ILDR1: variants seen among roughly 807,000 people sequenced by gnomAD.
ILDR1 encodes immunoglobulin-like domain-containing receptor 1.
In ILDR1, 56 loss-of-function variants were observed where a neutral mutation model predicts 62.4. That is an observed-to-expected ratio of 0.90 (90% CI 0.72 to 1.12). The LOEUF is 1.12. Ranked by LOEUF, ILDR1 falls within the 50% of genes most tolerant of loss-of-function variation. The pLI is 0.00. For missense variants in ILDR1, 736 were observed against 710.6 expected, an observed-to-expected ratio of 1.04 and a Z score of -0.41; for synonymous variants, 284 against 277.8, an observed-to-expected ratio of 1.02 and a Z score of -0.22.
At chr3:122,030,965 T>C in the ILDR1 span, among the ~76,000 whole-genome samples, 1 of 152,308 alleles carries the variant, frequency 6.6e-6, no homozygotes, top group South Asian at 2.1e-4. Flanking sequence ...AGCCCCTAAA[T>C]GGAACACTTT....
intron 7 of ILDR1, among the ~76,000 whole-genome samples, chr3:121,990,893 T>C (rs900492758): frequency 2.6e-5 from 4 of 152,116 alleles, no homozygotes; most frequent in Non-Finnish European, 4.4e-5. Flanking sequence ...CCCATAGTTG[T>C]GAGGATTAAA....
intron 3 of ILDR1, among the ~76,000 whole-genome samples, chr3:122,004,179 T>A (rs887335531): frequency 6.6e-6 from 1 of 152,232 alleles, no homozygotes; most frequent in South Asian, 2.1e-4. Flanking sequence ...CCACTGGGTG[T>A]ATTCTTCCCT....
At position 121,994,202 on chromosome 3, in the gene ILDR1, A is replaced by C; in HGVS notation, c.758T>G (p.Met253Arg). 6.5e-7 allele frequency: 1 copy of C among 1,536,076 alleles called. No homozygotes were observed. The highest frequency in any genetic ancestry group is 8.7e-7 in the Non-Finnish European group (1 of 1,146,890). ...DRSSQVSSYP[M>R]HPLLQRDLSL... ...TTTACCTCGCTGCAGCAGCGGGTGC[A>C]TTGGATAAGATGAAACCTGGGAGCT... Residue 253 changes from methionine (M) to arginine (R), a missense_variant, in exon 6 of 8, where the codon ATG (methionine) becomes AGG (arginine). By Grantham distance (91) the Met-to-Arg change is moderately conservative (BLOSUM62 -1). Transcript: ENST00000344209.
the ILDR1 span, among the ~76,000 whole-genome samples, chr3:122,055,708 T>TA: frequency 6.6e-6 from 1 of 152,370 alleles, no homozygotes; most frequent in African/African-American, 2.4e-5. Context: ...GTTATATATA[T>TA]TTTTAGGTGC....
the ILDR1 span, among the ~76,000 whole-genome samples, chr3:122,040,748 AAC>A: frequency 4.0e-5 from 6 of 151,434 alleles, no homozygotes; most frequent in African/African-American, 1.5e-4. Context: ...AAAAAAAAAA[AAC>A]AAGAATTAGC....
upstream of ILDR1, among the ~76,000 whole-genome samples, chr3:122,023,108 ATATT>A (rs1180687424): frequency 6.6e-6 from 1 of 150,974 alleles, no homozygotes; most frequent in Non-Finnish European, 1.5e-5. Context: ...TCAAGTAGGT[ATATT>A]TATTTATTTA....
the ILDR1 span, among the ~76,000 whole-genome samples, chr3:122,056,099 T>C: frequency 2.0e-5 from 3 of 152,174 alleles, no homozygotes; most frequent in Non-Finnish European, 4.4e-5. Context: ...TTGAATTTTA[T>C]TCTTCACAAT....
chr3:121,997,139 G>A (rs6808247), intron 5 of ILDR1, among the ~76,000 whole-genome samples: 32,706 of 152,100 alleles, frequency 0.22, 3,682 homozygotes, highest in South Asian at 0.31. Context: ...GACCTCAGGC[G>A]ATCTGCCTGC....
the ILDR1 span, among the ~76,000 whole-genome samples, chr3:122,036,899 G>A: frequency 6.6e-6 from 1 of 152,214 alleles, no homozygotes; most frequent in Non-Finnish European, 1.5e-5. Context: ...CTGCATCCCA[G>A]CTGCTCCAGC....
At position 121,993,252 on chromosome 3, in the gene ILDR1, C is replaced by A; in HGVS notation, c.1497G>T (p.Ser499=). The stretch of plus-strand genomic sequence containing the variant: ...TCTCCTCGGGCCAGTGTGGGGAGTG[C>A]GAGCCGCGGCGGTGGGCCCGCCAGC... The part of the protein sequence containing the change: ...PQSWRAHRRG[S]HSPHWPEEKP... The change falls in exon 7 of 8, where the codon TCG becomes TCT. Residue 499 remains serine (S), a synonymous_variant. Transcript: ENST00000344209. The A allele has an allele frequency of 6.2e-7, 1 of 1,613,472 alleles. No individual in the cohort carries two copies. The highest frequency in any genetic ancestry group is 1.1e-5 in the South Asian group (1 of 91,028).
chr3:122,043,215 C>A, the ILDR1 span, among the ~76,000 whole-genome samples: 1 of 147,408 alleles, frequency 6.8e-6, no homozygotes, highest in Non-Finnish European at 1.5e-5. Context: ...TGTCAAAGAT[C>A]AGATAGTTGT....
intron 5 of ILDR1, 56 bp downstream of exon 5, chr3:122,001,252 C>T: frequency 6.2e-7 from 1 of 1,601,610 alleles, no homozygotes; most frequent in Non-Finnish European, 8.5e-7. Context: ...AGCTGATCTG[C>T]TTGACGTCCT....
the ILDR1 span, among the ~76,000 whole-genome samples, chr3:122,050,661 A>G: frequency 1.3e-5 from 2 of 149,068 alleles, no homozygotes; most frequent in South Asian, 4.2e-4. Context: ...CTTTTATACC[A>G]GAATTAAGTG....
intron 5 of ILDR1, among the ~76,000 whole-genome samples, chr3:121,996,086 A>AG (rs1455582028): frequency 6.6e-6 from 1 of 152,112 alleles, no homozygotes; most frequent in Non-Finnish European, 1.5e-5. Context: ...CTCCTTCCAT[A>AG]GCCTCGGGAC....
rs1416637340 is a variant in ILDR1, at chr3:121,993,749, G to T, written c.1000C>A (p.Pro334Thr). 3 of 1,614,170 alleles carry T rather than the reference G, an allele frequency of 1.9e-6. No homozygotes were observed. The highest frequency in any genetic ancestry group is 2.5e-6 in the Non-Finnish European group (3 of 1,180,002). Residue 334 changes from proline to threonine, a missense_variant, in exon 7 of 8, where the codon CCA (proline) becomes ACA (threonine). Transcript: ENST00000344209. ...GAGGATGACAGGTCTCTGATCAGTGGGGGCAGGTGGATGATTCTGCGTTCC... is the reference window on the plus strand; with the variant it reads ...GAGGATGACAGGTCTCTGATCAGTGTGGGCAGGTGGATGATTCTGCGTTCC... ...VVERRIIHLP[P>T]LIRDLSSSRR...
At chr3:122,055,209 G>A in the ILDR1 span, among the ~76,000 whole-genome samples, 1 of 152,114 alleles carries the variant, frequency 6.6e-6, no homozygotes, top group African/African-American at 2.4e-5. Context: ...TGGAACTCAA[G>A]CTACTGAATT....
At chr3:122,052,694 C>G in the ILDR1 span, among the ~76,000 whole-genome samples, 1 of 152,224 alleles carries the variant, frequency 6.6e-6, no homozygotes, top group Non-Finnish European at 1.5e-5. Flanking sequence ...CTGCCTCGGC[C>G]TTCCAAGTAG....
chr3:121,997,046 G>A (rs1023378315), intron 5 of ILDR1, among the ~76,000 whole-genome samples: 5 of 152,024 alleles, frequency 3.3e-5, no homozygotes, highest in African/African-American at 4.8e-5. Context: ...GATTACAGGC[G>A]CCCACCACCA....
At chr3:122,022,914 AAAATAAATAAAT>A (rs59901956), upstream of ILDR1, among the ~76,000 whole-genome samples, 1,064 of 143,382 alleles carry the variant, frequency 7.4e-3, 13 homozygotes, top group African/African-American at 0.024. Context: ...CTCGGTCTCG[AAAATAAATAAAT>A]AAATAAATAA....
Sources: gnomAD v4.1 joint callset for allele counts (sites outside exome capture counted in the v4.1 genomes callset) on GRCh38, gnomAD v4.1.1 for gene constraint, MANE v1.5 for transcripts, NCBI Gene and HGNC (gene_info 2026-07-23, HGNC 2026-07-21) for gene names.